Variants in STK32C observed in about 807,000 individuals in gnomAD.
The protein encoded by STK32C is serine/threonine-protein kinase 32C.
In STK32C, 31 loss-of-function variants were observed where a neutral mutation model predicts 56.5. That is an observed-to-expected ratio of 0.55 (90% confidence interval 0.41 to 0.74). The LOEUF is 0.74. Ranked by LOEUF, STK32C falls within the 30% of genes least tolerant of loss-of-function variation. The pLI is 0.00. For synonymous variants in STK32C, 309 were observed against 289.4 expected, an observed-to-expected ratio of 1.07 and a Z score of -0.69; for missense variants, 544 against 676.9, an observed-to-expected ratio of 0.80 and a Z score of 2.18.
intron 2 of STK32C, among the ~76,000 whole-genome samples, chr10:132,232,474 G>A (rs765289996): frequency 2.6e-5 from 4 of 152,058 alleles, no homozygotes; most frequent in African/African-American, 7.2e-5. Flanking sequence ...CCGAGATCAC[G>A]CAGAGCAGTG....
rs79096914 is a variant in STK32C, at chr10:132,211,311, C to T, written c.1252-2210G>A. On this transcript the variant is annotated intron_variant, in intron 10 of 11. Transcript: ENST00000298630. Reference sequence around the variant, plus strand: ...GCCGCTGGGATCCTGCGATTCACAGCGACACAAGGTGGGAGGGGCTGGGGT... The same window carrying T: ...GCCGCTGGGATCCTGCGATTCACAGTGACACAAGGTGGGAGGGGCTGGGGT... Among the ~76,000 whole-genome samples the T allele has an allele frequency of 4.8e-3, 724 of 152,124 alleles. 6 individuals are homozygous for T. The highest frequency in any genetic ancestry group is 0.017 in the African/African-American group (686 of 41,488).
intron 10 of STK32C, among the ~76,000 whole-genome samples, chr10:132,218,272 T>C (rs144357009): frequency 1.1e-4 from 16 of 152,190 alleles, no homozygotes; most frequent in East Asian, 1.9e-4. Context: ...TGAGCCTTCA[T>C]TGCACCACTG....
At chr10:132,269,616 T>G (rs1052779898) in intron 1 of STK32C, among the ~76,000 whole-genome samples, 1 of 152,200 alleles carries the variant, frequency 6.6e-6, no homozygotes, top group Non-Finnish European at 1.5e-5. Flanking sequence ...TAACAGCTAG[T>G]GGATGGTCTT....
chr10:132,243,355 C>T (rs2063570367), intron 2 of STK32C, among the ~76,000 whole-genome samples: 2 of 152,288 alleles, frequency 1.3e-5, no homozygotes, highest in Non-Finnish European at 1.5e-5. Flanking sequence ...AGGCAGCAGG[C>T]TTCTAATCAC....
chr10:132,331,329 G>GTGCACGGGACTCCAGGGT (rs2066720921), intron 1 of STK32C: 1 of 1,109,600 alleles, frequency 9.0e-7, no homozygotes, highest in African/African-American at 1.6e-5. Flanking sequence ...TGGAATGAAG[G>GTGCACGGGACTCCAGGGT]TGCACGGGAC....
chr10:132,322,655 C>T (rs1001018614), downstream of STK32C, among the ~76,000 whole-genome samples: 18 of 152,106 alleles, frequency 1.2e-4, no homozygotes, highest in Admixed American at 1.1e-3. Flanking sequence ...AAAATGTTGC[C>T]AGCATCTTAG....
chr10:132,246,709 G>A (rs1175360963), intron 1 of STK32C, among the ~76,000 whole-genome samples: 1 of 152,188 alleles, frequency 6.6e-6, no homozygotes, highest in Non-Finnish European at 1.5e-5. Flanking sequence ...GGATTCTGAT[G>A]GGCTTTCCAG....
intron 1 of STK32C, among the ~76,000 whole-genome samples, chr10:132,250,179 C>T (rs561524808): frequency 6.6e-5 from 10 of 152,186 alleles, no homozygotes; most frequent in Non-Finnish European, 1.0e-4. Flanking sequence ...GGCCGCAGAG[C>T]CCAGGGTGGC....
intron 2 of STK32C, among the ~76,000 whole-genome samples, chr10:132,229,443 G>A (rs1269159052): frequency 6.6e-6 from 1 of 152,220 alleles, no homozygotes; most frequent in African/African-American, 2.4e-5. Flanking sequence ...GCTGCAGTGA[G>A]CCACGACTGT....
chr10:132,277,953 A>G (rs1477242817), intron 1 of STK32C, among the ~76,000 whole-genome samples: 1 of 152,130 alleles, frequency 6.6e-6, no homozygotes, highest in African/African-American at 2.4e-5. Context: ...ATAAAATCAC[A>G]TGAACATCCT....
In STK32C at chr10:132,208,069, C is replaced by G. The variant is rs779057278; in HGVS notation, c.1402G>C (p.Ala468Pro). 1.1e-5 allele frequency: 15 copies of G among 1,310,706 alleles called. No individual in the cohort carries two copies. The highest frequency in any genetic ancestry group is 1.5e-5 in the Non-Finnish European group (15 of 1,021,622). The allele number at this position is 1,310,706 out of a possible 1,614,324, so 81.2% of individuals were successfully genotyped here. A position where few individuals can be genotyped will look rare whatever the true frequency, so the allele number is the denominator to read the frequency against. ...CACATGGGCAGGGCGGAGCGTTCCG[C>G]CTCGTCCTCCACAGGCTCCGCAGCA... ...RDAAEPVEDE[A>P]ERSALPMCGP... Residue 468 changes from alanine (A) to proline (P), a missense_variant, in exon 12 of 12, where the codon GCG becomes CCG. Ala to Pro is a conservative substitution (Grantham distance 27). Transcript: ENST00000298630.
intron 1 of STK32C, among the ~76,000 whole-genome samples, chr10:132,317,137 G>T (rs909548077): frequency 6.6e-5 from 10 of 152,108 alleles, no homozygotes; most frequent in Non-Finnish European, 2.9e-5. Context: ...AAGAGAAACT[G>T]AATTTGTAAG....
intron 10 of STK32C, among the ~76,000 whole-genome samples, chr10:132,216,178 C>G (rs1018505082): frequency 6.6e-6 from 1 of 152,164 alleles, no homozygotes; most frequent in Admixed American, 6.6e-5. Context: ...AGAAAAGAAA[C>G]TCCTGGCTGG....
At chr10:132,228,186 A>T (rs2062963652) in intron 2 of STK32C, 58 bp from the exon 3 acceptor site, 5 of 1,611,458 alleles carry the variant, frequency 3.1e-6, no homozygotes, top group Non-Finnish European at 4.2e-6. Flanking sequence ...ACACGTGGGG[A>T]CACCTGGAAA....
rs7088679 is a variant in STK32C, at chr10:132,284,856, A to G, written c.262+22716T>C. Among the ~76,000 whole-genome samples, 325 of 109,526 alleles carry G rather than the reference A, an allele frequency of 3.0e-3. 1 individual carries two copies. Among genetic ancestry groups the G allele is most frequent in the Non-Finnish European group, 3.6e-3 (183 of 51,388 alleles). 71.9% of individuals were successfully genotyped at this position (109,526 alleles called of 152,430 possible). A position where few individuals can be genotyped will look rare whatever the true frequency, so the allele number is the denominator to read the frequency against. ...GCATGAACCCAGAACACATTCCCACATCTGCCCAAAGACCAGGCATGAACC... is the reference window on the plus strand; with the variant it reads ...GCATGAACCCAGAACACATTCCCACGTCTGCCCAAAGACCAGGCATGAACC... On this transcript the variant is annotated intron_variant, in intron 1 of 11. Transcript: ENST00000298630.
intron 1 of STK32C, among the ~76,000 whole-genome samples, chr10:132,326,646 G>C (rs2138484993): frequency 6.6e-6 from 1 of 152,318 alleles, no homozygotes; most frequent in South Asian, 2.1e-4. Context: ...TAATGTTAAT[G>C]CTGGTGAGTC....
chr10:132,248,110 G>A (rs895535375), intron 1 of STK32C, among the ~76,000 whole-genome samples: 3 of 152,142 alleles, frequency 2.0e-5, no homozygotes, highest in Non-Finnish European at 4.4e-5. Context: ...CGAGGCAGAG[G>A]CTGCTCCAGC....
intron 1 of STK32C, among the ~76,000 whole-genome samples, chr10:132,253,612 C>CGAGGGAGCTGGAGGGAGCT (rs1172540659): frequency 8.9e-5 from 11 of 124,038 alleles, no homozygotes; most frequent in Admixed American, 7.1e-4. Flanking sequence ...TGGAGGGAGC[C>CGAGGGAGCTGGAGGGAGCT]GAGGGAGCTG....
rs770311737 is a variant in STK32C at position 132,228,052 on chromosome 10, C to T, written c.395G>A (p.Arg132His). Residue 132 changes from arginine (R) to histidine (H), a missense_variant, in exon 3 of 12, where the codon CGC (arginine) becomes CAC (histidine). Physicochemically the swap from Arg to His is conservative, Grantham distance 29. Around this residue, in one of 3 missense-constraint regions of STK32C, gnomAD observed 182 missense variants for 217.7 expected, o/e 0.84. Transcript: ENST00000298630. ...CCGGAAGACGTTGCGGACCTCGTCG[C>T]GCTCGATGCACTGCTGCTTGTTCAT... ...KYMNKQQCIE[R>H]DEVRNVFREL... is the part of the protein sequence containing the mutation. The T allele has an allele frequency of 2.5e-6, 4 of 1,613,918 alleles. No homozygotes were observed. The highest frequency in any genetic ancestry group is 1.3e-5 in the African/African-American group (1 of 74,942).
Sources: gnomAD v4.1 joint callset for allele counts (sites outside exome capture counted in the v4.1 genomes callset) on GRCh38, gnomAD v4.1.1 for gene constraint, gnomAD v4.1.1 regional missense constraint, MANE v1.5 for transcripts, NCBI Gene and HGNC (gene_info 2026-07-23, HGNC 2026-07-21) for gene names.